The following DCAF8L2 variants were observed in gnomAD, a reference collection of about 807,000 sequenced individuals.
The protein encoded by DCAF8L2 is DDB1 and CUL4 associated factor 8 like 2, also known as DDB1- and CUL4-associated factor 8-like protein 2.
For synonymous variants in DCAF8L2, 200 were observed against 190.9 expected, an observed-to-expected ratio of 1.05 and a Z score of -0.39; for missense variants, 430 against 490.7, an observed-to-expected ratio of 0.88 and a Z score of 1.17.
At chrX:27,669,472 A>T (rs1339252186) in intron 2 of DCAF8L2, among the ~76,000 whole-genome samples, 3 of 108,614 alleles carry the variant, frequency 2.8e-5, no homozygotes, top group African/African-American at 1.0e-4. Flanking sequence ...TTATTTATTT[A>T]TTTATTTTTT....
chrX:27,640,114 T>C (rs767601798), intron 2 of DCAF8L2, among the ~76,000 whole-genome samples: 1 of 111,449 alleles, frequency 9.0e-6, no homozygotes, highest in East Asian at 2.8e-4. Flanking sequence ...TCATGTCCTT[T>C]GTAGGGACAT....
the DCAF8L2 span, among the ~76,000 whole-genome samples, chrX:27,571,315 C>A: frequency 9.0e-6 from 1 of 111,723 alleles, no homozygotes; most frequent in Admixed American, 9.5e-5. Flanking sequence ...CAGGCAAAAG[C>A]CATATGATCA....
At chrX:27,691,663 A>G (rs756791547) in intron 3 of DCAF8L2, among the ~76,000 whole-genome samples, 1 of 112,216 alleles carries the variant, frequency 8.9e-6, no homozygotes, top group South Asian at 3.7e-4. Context: ...GAATTAGCTT[A>G]TGATATATGT....
rs1309465504 is a variant in DCAF8L2, at chrX:27,634,955, T to TACACAC, written c.-220+2956_-220+2957insCACACA. Among the ~76,000 whole-genome samples the TACACAC allele has an allele frequency of 8.4e-4, 73 of 86,566 alleles. 1 individual carries two copies. The highest frequency in any genetic ancestry group is 3.1e-3 in the East Asian group (7 of 2,265). The allele number at this position is 86,566 out of a possible 115,157, so 75.2% of individuals were successfully genotyped here. On this transcript the variant is annotated intron_variant, in intron 2 of 4. Transcript: ENST00000451261. The stretch of plus-strand genomic sequence containing the variant: ...AGATAAGGGATACACAAACCATGTA[T>TACACAC]ATACACACACACACACACACACACA...
chrX:27,599,362 G>T lies in DCAF8L2; in HGVS notation c.-342+8922G>T, dbSNP rs192402826. ...AGAGAGTAGAATGGTGGTTGCCAGT[G>T]GTTGGGAGGAGGGAGAAATGAGGAG... is the stretch of plus-strand genomic sequence containing the variant. On this transcript the variant is annotated intron_variant, in intron 1 of 4. Transcript: ENST00000451261. Among the ~76,000 whole-genome samples the T allele has an allele frequency of 2.7e-5, 3 of 110,974 alleles. No homozygotes were observed. The Admixed American group carries it at 2.9e-4, about 11-fold the overall frequency.
chrX:27,514,598 G>A, the DCAF8L2 span, among the ~76,000 whole-genome samples: 11 of 95,696 alleles, frequency 1.1e-4, no homozygotes, highest in African/African-American at 3.5e-4. Flanking sequence ...GAACCCGGGA[G>A]GCGGAGCTTG....
At chrX:27,618,986 TTATCTA>T (rs1171195758) in intron 1 of DCAF8L2, among the ~76,000 whole-genome samples, 1 of 99,741 alleles carries the variant, frequency 1.0e-5, no homozygotes, top group Non-Finnish European at 2.1e-5. Context: ...CTTCAGGATA[TTATCTA>T]TATCTATATC....
chrX:27,471,116 C>T, the DCAF8L2 span, among the ~76,000 whole-genome samples: 1 of 111,623 alleles, frequency 9.0e-6, no homozygotes, highest in Non-Finnish European at 1.9e-5. Context: ...ATTTTCAGTT[C>T]TTATCATCTA....
intron 1 of DCAF8L2, among the ~76,000 whole-genome samples, chrX:27,608,311 A>C (rs1361488478): frequency 8.9e-6 from 1 of 111,935 alleles, no homozygotes; most frequent in Non-Finnish European, 1.9e-5. Flanking sequence ...TAACCAATTA[A>C]ATAGGGAATG....
chrX:27,637,432 G>T (rs1048714516), intron 2 of DCAF8L2, among the ~76,000 whole-genome samples: 6 of 111,801 alleles, frequency 5.4e-5, no homozygotes, highest in African/African-American at 2.0e-4. Flanking sequence ...CTGCTTGACT[G>T]AATTTCCACA....
the DCAF8L2 span, among the ~76,000 whole-genome samples, chrX:27,473,296 T>C: frequency 1.8e-5 from 2 of 112,513 alleles, no homozygotes; most frequent in African/African-American, 6.4e-5. Flanking sequence ...CTGGATTGCC[T>C]AAACTGGTTT....
chrX:27,654,398 A>C (rs777555113), intron 2 of DCAF8L2, among the ~76,000 whole-genome samples: 1 of 112,371 alleles, frequency 8.9e-6, no homozygotes, highest in Non-Finnish European at 1.9e-5. Flanking sequence ...ATTTTTATAG[A>C]TAGAGAGGAA....
At chrX:27,521,406 C>G in the DCAF8L2 span, among the ~76,000 whole-genome samples, 1 of 112,357 alleles carries the variant, frequency 8.9e-6, no homozygotes, top group Non-Finnish European at 1.9e-5. Context: ...TTTTACACAT[C>G]TCTGTCTCTT....
At chrX:27,689,507 T>A (rs1449894241) in intron 3 of DCAF8L2, among the ~76,000 whole-genome samples, 2 of 112,582 alleles carry the variant, frequency 1.8e-5, no homozygotes, top group Non-Finnish European at 3.8e-5. Context: ...AGCCTCCCAA[T>A]GTGCTGGGAT....
intron 1 of DCAF8L2, among the ~76,000 whole-genome samples, chrX:27,611,038 A>G (rs1178954303): frequency 8.9e-6 from 1 of 112,249 alleles, no homozygotes; most frequent in African/African-American, 3.2e-5. Context: ...CCTCAGGGCT[A>G]TGTTAACTGT....
chrX:27,567,689 G>A, the DCAF8L2 span, among the ~76,000 whole-genome samples: 1 of 104,940 alleles, frequency 9.5e-6, no homozygotes, highest in African/African-American at 3.5e-5. Flanking sequence ...CCATAAAATA[G>A]AATAAGTGCT....
At chrX:27,469,226 A>G in the DCAF8L2 span, among the ~76,000 whole-genome samples, 1 of 112,143 alleles carries the variant, frequency 8.9e-6, no homozygotes, top group Admixed American at 9.4e-5. Flanking sequence ...CTGTTCAAAT[A>G]GTTACTTCCA....
the DCAF8L2 span, among the ~76,000 whole-genome samples, chrX:27,578,894 C>CA: frequency 0.063 from 5,733 of 90,960 alleles, 262 homozygotes; most frequent in African/African-American, 0.18. Flanking sequence ...ATTAAAATGT[C>CA]AAAAAAAAAA....
At chrX:27,622,006 CA>C (rs1190484703) in intron 1 of DCAF8L2, among the ~76,000 whole-genome samples, 92 of 100,093 alleles carry the variant, frequency 9.2e-4, no homozygotes, top group African/African-American at 3.0e-3. Flanking sequence ...ACAACAACAA[CA>C]AAAAAAAAAG....
Sources: allele counts gnomAD v4.1 joint callset (sites outside exome capture counted in the v4.1 genomes callset), GRCh38; gene constraint gnomAD v4.1.1; transcripts MANE v1.5; gene names NCBI Gene and HGNC (gene_info 2026-07-23, HGNC 2026-07-21).